Variants in CHRNB4 observed in about 807,000 individuals in gnomAD.
CHRNB4 encodes neuronal acetylcholine receptor subunit beta-4.
In CHRNB4, 23 loss-of-function variants were observed where a neutral mutation model predicts 40.4. The observed-to-expected ratio is 0.57, with a 90% CI of 0.41 to 0.81. The LOEUF (loss-of-function observed/expected upper bound fraction) is 0.81, where lower values mean the gene tolerates loss of function less well. Ranked by LOEUF, CHRNB4 falls within the 30% of genes least tolerant of loss-of-function variation. The pLI is 0.00. For synonymous variants in CHRNB4, 285 were observed against 274.4 expected (o/e 1.04, Z -0.38); for missense variants, 568 against 670.6 (o/e 0.85, Z 1.69).
chr15:78,660,408 G>A (rs2054242472), intron 1 of CHRNB4: 1 of 152,158 alleles, frequency 6.6e-6, no homozygotes, highest in African/African-American at 2.4e-5. Flanking sequence ...AACCCTCCTG[G>A]GCTAAGCCCC....
rs1363839028 is a variant in CHRNB4 at position 78,624,202 on chromosome 15, C to T, written c.*931G>A. 1 of 152,000 alleles carries T rather than the reference C, an allele frequency of 6.6e-6. No homozygotes were observed. Among genetic ancestry groups the T allele is most frequent in the African/African-American group, 2.4e-5 (1 of 41,254 alleles). 9.4% of individuals were successfully genotyped at this position (152,000 alleles called of 1,614,324 possible). Reference sequence around the variant, plus strand: ...TACCACGAATGTGAAGGAGCAGGTCCCTGTTCTCATGGAGCTCACACTCTA... The same window carrying T: ...TACCACGAATGTGAAGGAGCAGGTCTCTGTTCTCATGGAGCTCACACTCTA... On this transcript the variant is annotated 3_prime_UTR_variant, in exon 6 of 6. Coordinates refer to ENST00000261751, the MANE Select transcript of CHRNB4 (RefSeq NM_000750.5).
upstream of CHRNB4, among the ~76,000 whole-genome samples, chr15:78,645,081 C>T (rs1401968597): frequency 1.3e-5 from 2 of 152,126 alleles, no homozygotes; most frequent in African/African-American, 4.8e-5. Context: ...ATACGCAAAC[C>T]AGCCAATCCG....
intron 4 of CHRNB4, among the ~76,000 whole-genome samples, chr15:78,655,846 T>G (rs1288172333): frequency 6.6e-6 from 1 of 152,180 alleles, no homozygotes; most frequent in Non-Finnish European, 1.5e-5. Flanking sequence ...TATTGGGCAA[T>G]TTTGTGTCTC....
chr15:78,625,036 A>G lies in CHRNB4; in HGVS notation c.*97T>C, dbSNP rs1461871853. The G allele has an allele frequency of 1.2e-6, 2 of 1,604,516 alleles. No homozygotes were observed. The highest frequency in any genetic ancestry group is 1.7e-6 in the Non-Finnish European group (2 of 1,179,800). On this transcript the variant is annotated 3_prime_UTR_variant, in exon 6 of 6. Coordinates refer to ENST00000261751, the MANE Select transcript of CHRNB4 (RefSeq NM_000750.5). ...GATGGGGTTGATGGCCAATGCTCAC[A>G]TATTTACTTAGGGCCTCATCAGCCA...
intron 1 of CHRNB4, among the ~76,000 whole-genome samples, chr15:78,636,964 C>T (rs1156627058): frequency 6.6e-6 from 1 of 152,086 alleles, no homozygotes; most frequent in Admixed American, 6.5e-5. Flanking sequence ...GAAATGGGTA[C>T]GAGGTGGTGC....
intron 1 of CHRNB4, among the ~76,000 whole-genome samples, chr15:78,639,745 G>A (rs1423461474): frequency 5.3e-5 from 8 of 152,298 alleles, no homozygotes; most frequent in African/African-American, 1.9e-4. Flanking sequence ...GTGGGACCCA[G>A]AAATCTGTAC....
upstream of CHRNB4, among the ~76,000 whole-genome samples, chr15:78,641,465 C>T (rs1392476119): frequency 6.6e-6 from 1 of 152,204 alleles, no homozygotes; most frequent in Non-Finnish European, 1.5e-5. Context: ...CCCTCGAGGG[C>T]GGCGGACGCT....
In CHRNB4 at chr15:78,636,316, G is replaced by A. The variant is rs75474580; in HGVS notation, c.56-729C>T. 5.0e-3 allele frequency among the ~76,000 whole-genome samples: 746 copies of A among 150,404 alleles called. 7 individuals carry two copies. Among genetic ancestry groups the A allele is most frequent in the African/African-American group, 8.8e-3 (359 of 40,882 alleles). ...TGCCCTCCTCCTGGTCTCTCCACCC[G>A]CAGTCTCTCCCTGCTATCCATGTAC... On this transcript the variant is annotated intron_variant, in intron 1 of 5. Transcript: ENST00000261751.
chr15:78,632,165 T>C (rs190093252), intron 2 of CHRNB4, among the ~76,000 whole-genome samples: 133 of 129,008 alleles, frequency 1.0e-3, no homozygotes, highest in African/African-American at 3.6e-3. Context: ...TTCTTTTCTT[T>C]TCTTTCTCTT....
rs559921931 is a variant in CHRNB4 at position 78,629,209 on chromosome 15, A to G, written c.1096T>C (p.Cys366Arg). 66 of 1,613,760 alleles carry G rather than the reference A, an allele frequency of 4.1e-5. No homozygotes were observed. In the South Asian group the frequency reaches 6.3e-4, roughly 15 times the overall value. The change falls in exon 5 of 6, where the codon TGC becomes CGC. Residue 366 changes from cysteine (C) to arginine (R), a missense_variant. This residue lies in a region of CHRNB4 where 242 missense variants were observed against 274.9 expected (regional missense o/e 0.88). Transcript: ENST00000261751. The surrounding 1 kb of genome is among the most constrained non-coding windows in gnomAD (Gnocchi z 6.8). ...GCGGTGGCCTCGGGCTTGGTCACGC[A>G]TGACTTGCTGGGCGGGAAGGCTCTG... ...PARAFPPSKS[C>R]VTKPEATATS...
intron 7 of CHRNB4, among the ~76,000 whole-genome samples, chr15:78,648,838 G>T (rs535815896): frequency 9.2e-5 from 14 of 151,776 alleles, no homozygotes; most frequent in Non-Finnish European, 1.8e-4. Context: ...GAATACAGTG[G>T]CACAATCACT....
chr15:78,650,955 G>GT (rs1359646235), intron 6 of CHRNB4, among the ~76,000 whole-genome samples: 1 of 152,244 alleles, frequency 6.6e-6, no homozygotes, highest in Admixed American at 6.5e-5. Flanking sequence ...TTCATAGGGC[G>GT]TAAGTGCAGA....
At chr15:78,650,651 A>G (rs1250934845) in intron 6 of CHRNB4, among the ~76,000 whole-genome samples, 1 of 152,224 alleles carries the variant, frequency 6.6e-6, no homozygotes, top group Non-Finnish European at 1.5e-5. Context: ...AGAGGCAGCC[A>G]TTGCTGTCTG....
intron 5 of CHRNB4, chr15:78,655,436 A>C (rs562367757): frequency 1.4e-3 from 207 of 146,358 alleles, no homozygotes; most frequent in Admixed American, 0.013. Context: ...CTATATCTAT[A>C]TATATCTATA....
At chr15:78,646,372 G>C (rs1006035867) in intron 7 of CHRNB4, among the ~76,000 whole-genome samples, 1 of 152,172 alleles carries the variant, frequency 6.6e-6, no homozygotes, top group African/African-American at 2.4e-5. Flanking sequence ...ATAAAATCCA[G>C]GTTCATTAAA....
chr15:78,660,182 G>A (rs1028250714), intron 1 of CHRNB4, among the ~76,000 whole-genome samples: 5 of 149,278 alleles, frequency 3.3e-5, no homozygotes, highest in Non-Finnish European at 7.4e-5. Context: ...ACTCCAGCCT[G>A]AGCAACAGAG....
intron 1 of CHRNB4, 147 bp from the exon 2 acceptor site, chr15:78,635,734 G>A (rs1247326184): frequency 1.5e-5 from 15 of 1,002,598 alleles, no homozygotes; most frequent in Non-Finnish European, 1.9e-5. Flanking sequence ...GTCTCTCCTT[G>A]AGGACTTCAA....
At chr15:78,657,843 C>T (rs1596127020) in intron 2 of CHRNB4, among the ~76,000 whole-genome samples, 2 of 117,274 alleles carry the variant, frequency 1.7e-5, no homozygotes, top group African/African-American at 2.6e-5. Context: ...TGAGCCACCG[C>T]GCCTGGCTGA....
intron 1 of CHRNB4, among the ~76,000 whole-genome samples, chr15:78,638,860 C>T (rs552890474): frequency 1.7e-3 from 260 of 152,190 alleles, no homozygotes; most frequent in Non-Finnish European, 3.0e-3. Context: ...TTCTGCAGCA[C>T]GGTCAGGGGT....
Sources: allele counts gnomAD v4.1 joint callset (sites outside exome capture counted in the v4.1 genomes callset), GRCh38; gene constraint gnomAD v4.1.1; regional missense constraint gnomAD v4.1.1; non-coding constraint Gnocchi (gnomAD v3.1); transcripts MANE v1.5; gene names NCBI Gene and HGNC (gene_info 2026-07-23, HGNC 2026-07-21).